The following TBC1D22A variants were observed in gnomAD, a reference collection of about 807,000 sequenced individuals.
TBC1D22A encodes putative GTPase activator.
In TBC1D22A, 38 loss-of-function variants were observed where a neutral mutation model predicts 60.2. The observed-to-expected ratio is 0.63, with a 90% CI of 0.49 to 0.83. TBC1D22A has a LOEUF of 0.83. TBC1D22A is among the 40% of genes least tolerant of loss of function. The probability of loss-of-function intolerance (pLI) is 0.00; values close to 1 mark genes in which losing one functional copy is unlikely to be tolerated. For synonymous variants in TBC1D22A, 302 were observed against 281.7 expected, an observed-to-expected ratio of 1.07 and a Z score of -0.72; for missense variants, 628 against 701.0, an observed-to-expected ratio of 0.90 and a Z score of 1.18.
At chr22:46,949,844 G>A (rs1049849202) in intron 8 of TBC1D22A, among the ~76,000 whole-genome samples, 1 of 152,222 alleles carries the variant, frequency 6.6e-6, no homozygotes, top group Non-Finnish European at 1.5e-5. Flanking sequence ...CCATGCGCAA[G>A]GGCAGGCAAG....
chr22:46,878,218 A>T (rs1438064833), intron 4 of TBC1D22A, among the ~76,000 whole-genome samples: 1 of 116,120 alleles, frequency 8.6e-6, no homozygotes, highest in African/African-American at 3.2e-5. Context: ...GCATATAGAA[A>T]GTTGAGATGG....
rs893524622 is a variant in TBC1D22A at position 46,990,094 on chromosome 22, G to A, written c.1126-7540G>A. Among the ~76,000 whole-genome samples, 5 of 152,190 alleles carry A rather than the reference G, an allele frequency of 3.3e-5. No individual in the cohort carries two copies. The highest frequency in any genetic ancestry group is 2.1e-4 in the South Asian group (1 of 4,832). On this transcript the variant is annotated intron_variant, in intron 9 of 12. Transcript: ENST00000337137. This position sits in a 1 kb window ranked among gnomAD's most constrained non-coding sequence, Gnocchi z 4.6. ...GCTGGGATTACAGATGTGCGCCACC[G>A]CGCCCGGCCGCAAAATGTAAGTTTT... is the stretch of plus-strand genomic sequence containing the variant.
chr22:47,117,338 C>G (rs987571973), intron 12 of TBC1D22A: 1 of 154,230 alleles, frequency 6.5e-6, no homozygotes, highest in Non-Finnish European at 1.4e-5. Flanking sequence ...TCACCCCACA[C>G]CGTGGCATCG....
rs150817070 is a variant in TBC1D22A at position 47,065,215 on chromosome 22, C to T, written c.1329+28017C>T. ...GTTTCACCGTGTTAGCCAGGATGGT[C>T]TCAATCTTCTGACCTCATGATCCGC... On this transcript the variant is annotated intron_variant, in intron 11 of 12. Coordinates refer to ENST00000337137, the MANE Select transcript of TBC1D22A (RefSeq NM_014346.5). 6.0e-3 allele frequency among the ~76,000 whole-genome samples: 914 copies of T among 152,346 alleles called. 10 individuals are homozygous for T. The highest frequency in any genetic ancestry group is 0.02 in the African/African-American group (840 of 41,572).
At chr22:47,143,031 G>A (rs1172712090) in intron 12 of TBC1D22A, among the ~76,000 whole-genome samples, 2 of 151,974 alleles carry the variant, frequency 1.3e-5, no homozygotes, top group African/African-American at 4.8e-5. Flanking sequence ...GGCCTTGAAG[G>A]TGACTGCCTG....
chr22:46,787,170 T>C (rs182649755), intron 1 of TBC1D22A, among the ~76,000 whole-genome samples: 4 of 152,390 alleles, frequency 2.6e-5, no homozygotes, highest in African/African-American at 4.8e-5. Flanking sequence ...GATAATAATG[T>C]CTTTTCCATC....
At chr22:47,034,405 C>T (rs569861299) in intron 10 of TBC1D22A, among the ~76,000 whole-genome samples, 24 of 152,318 alleles carry the variant, frequency 1.6e-4, no homozygotes, top group Admixed American at 1.2e-3. Flanking sequence ...CTCTGACATC[C>T]CACCTGGAAG....
chr22:47,060,259 T>C (rs1175656219), intron 11 of TBC1D22A, among the ~76,000 whole-genome samples: 2 of 127,544 alleles, frequency 1.6e-5, no homozygotes, highest in Non-Finnish European at 3.3e-5. Flanking sequence ...TTTTTTTTTT[T>C]GAGATGGAGT....
intron 11 of TBC1D22A, among the ~76,000 whole-genome samples, chr22:47,057,010 A>G (rs1301735109): frequency 6.6e-6 from 1 of 152,098 alleles, no homozygotes; most frequent in Non-Finnish European, 1.5e-5. Context: ...AGGCCCAGCC[A>G]CTCAGGAGAG....
chr22:46,882,958 A>G (rs2067925392), intron 5 of TBC1D22A, among the ~76,000 whole-genome samples: 2 of 152,248 alleles, frequency 1.3e-5, no homozygotes. Flanking sequence ...ATGACTTGGC[A>G]TTTATGAAAA....
At chr22:46,806,062 A>G (rs998666511) in intron 4 of TBC1D22A, among the ~76,000 whole-genome samples, 1 of 152,078 alleles carries the variant, frequency 6.6e-6, no homozygotes, top group African/African-American at 2.4e-5. Flanking sequence ...CATGTTGGTC[A>G]GGCTGGTCTC....
At chr22:47,065,659 G>A (rs2063749682) in intron 11 of TBC1D22A, among the ~76,000 whole-genome samples, 1 of 45,502 alleles carries the variant, frequency 2.2e-5, no homozygotes, top group Non-Finnish European at 3.8e-5. Context: ...TGGATTGAGG[G>A]AGACCTGCGT....
intron 11 of TBC1D22A, among the ~76,000 whole-genome samples, chr22:47,094,058 G>C (rs1156720107): frequency 6.6e-6 from 1 of 152,178 alleles, no homozygotes; most frequent in East Asian, 1.9e-4. Flanking sequence ...CAGTCAAGAT[G>C]AATGAGGGGC....
chr22:47,062,478 G>A (rs535333279), intron 11 of TBC1D22A, among the ~76,000 whole-genome samples: 23 of 152,302 alleles, frequency 1.5e-4, no homozygotes, highest in Non-Finnish European at 2.6e-4. Flanking sequence ...ATGTCCGTGT[G>A]TTCCTTTCTG....
intron 12 of TBC1D22A, among the ~76,000 whole-genome samples, chr22:47,140,116 G>C (rs1444232336): frequency 6.6e-6 from 1 of 152,152 alleles, no homozygotes; most frequent in Admixed American, 6.5e-5. Flanking sequence ...CTCATTGGGA[G>C]CCACAGACCT....
intron 11 of TBC1D22A, among the ~76,000 whole-genome samples, chr22:47,088,452 G>T (rs1317842918): frequency 6.6e-6 from 1 of 152,142 alleles, no homozygotes; most frequent in African/African-American, 2.4e-5. Flanking sequence ...CAGTTTATTA[G>T]AACATACCAA....
chr22:46,911,386 A>G (rs575445254), intron 7 of TBC1D22A, among the ~76,000 whole-genome samples: 1 of 152,262 alleles, frequency 6.6e-6, no homozygotes, highest in African/African-American at 2.4e-5. Flanking sequence ...AATTTAGAGC[A>G]TCCACCCACC....
chr22:46,823,106 A>G (rs1054530766), intron 4 of TBC1D22A, among the ~76,000 whole-genome samples: 8 of 152,150 alleles, frequency 5.3e-5, no homozygotes, highest in African/African-American at 1.4e-4. Flanking sequence ...GCAATTTGAA[A>G]TCCAAAGCAT....
chr22:47,118,098 G>A (rs1450535627), intron 12 of TBC1D22A, among the ~76,000 whole-genome samples: 1 of 152,116 alleles, frequency 6.6e-6, no homozygotes, highest in Non-Finnish European at 1.5e-5. Context: ...ACTCCAGCCG[G>A]GGCGACAGAG....
Sources: gnomAD v4.1 joint callset for allele counts (sites outside exome capture counted in the v4.1 genomes callset) on GRCh38, gnomAD v4.1.1 for gene constraint, Gnocchi (gnomAD v3.1) non-coding constraint, MANE v1.5 for transcripts, NCBI Gene and HGNC (gene_info 2026-07-23, HGNC 2026-07-21) for gene names.